The following DOCK2 variants were observed in gnomAD, a reference collection of about 807,000 sequenced individuals.
DOCK2 encodes the protein dedicator of cytokinesis protein 2.
A neutral mutation model predicts 248.9 loss-of-function variants in DOCK2; 87 were observed. That is an observed-to-expected ratio of 0.35 (90% CI 0.29 to 0.42). The LOEUF (loss-of-function observed/expected upper bound fraction) is 0.42. Ranked by LOEUF, DOCK2 falls within the 10% of genes least tolerant of loss-of-function variation. The pLI is 1.00. For missense variants in DOCK2, 1,747 were observed against 2,300.2 expected, an observed-to-expected ratio of 0.76 and a Z score of 4.92; for synonymous variants, 805 against 821.6, an observed-to-expected ratio of 0.98 and a Z score of 0.35.
rs1418642680 is a variant in DOCK2 at position 169,717,635 on chromosome 5, T to C, written c.2132+151T>C. On this transcript the variant is annotated intron_variant, in intron 21 of 51. Coordinates refer to ENST00000520908, the MANE Select transcript of DOCK2 (RefSeq NM_004946.3). ...AAAATCTAACCTATGCTTGGGTTAT[T>C]TGGATATCATTAAAAATGTGGAATA... The C allele has an allele frequency of 4.2e-6, 3 of 712,962 alleles. No homozygotes were observed. The East Asian group carries it at 8.1e-5, about 19-fold the overall frequency. The allele number at this position is 712,962 out of a possible 1,614,324, so 44.2% of individuals were successfully genotyped here. A position where few individuals can be genotyped will look rare whatever the true frequency, so the allele number is the denominator to read the frequency against.
intron 33 of DOCK2, among the ~76,000 whole-genome samples, chr5:170,027,635 GCTCT>G (rs150089579): frequency 2.0e-5 from 3 of 150,060 alleles, no homozygotes; most frequent in Non-Finnish European, 4.5e-5. Context: ...TCTCGCACGT[GCTCT>G]CTCTCTCTCT....
rs1039206142 is a variant in DOCK2, at chr5:170,029,222, C to G, written c.3467+1274C>G. 5.9e-5 allele frequency among the ~76,000 whole-genome samples: 9 copies of G among 152,328 alleles called. No individual in the cohort carries two copies. In the East Asian group the frequency reaches 1.7e-3, roughly 29 times the overall value. On this transcript the variant is annotated intron_variant, in intron 34 of 51. Transcript: ENST00000520908. ...ATGTATAAGGGTTCCAATTTCTCTA[C>G]ATTCTTGTTAACACTTGTTAATATC...
Position 169,670,613 on chromosome 5 carries a change from C to G in DOCK2, c.224+16C>G. On this transcript the variant is annotated intron_variant, in intron 4 of 51. Coordinates refer to ENST00000520908, the MANE Select transcript of DOCK2 (RefSeq NM_004946.3). ...AGAAAAGAAGGTATTTGCCATTCTT[C>G]ACCAGACTTGAGCCTCCAGTGGCTC... 6.2e-7 allele frequency: 1 copy of G among 1,613,684 alleles called. No individual in the cohort carries two copies. Among genetic ancestry groups the G allele is most frequent in the Non-Finnish European group, 8.5e-7 (1 of 1,179,870 alleles).
Position 170,056,749 on chromosome 5 carries a change from A to C in DOCK2, c.4361A>C (p.Asp1454Ala), listed in dbSNP as rs779110995. 2 of 1,613,992 alleles carry C rather than the reference A, an allele frequency of 1.2e-6. No individual in the cohort carries two copies. Among genetic ancestry groups the C allele is most frequent in the Non-Finnish European group, 1.7e-6 (2 of 1,179,944 alleles). Reference sequence around the variant, plus strand: ...CGGCCCGTGCGCAGGGGGACCGTAGACCCAGAGAATGAGTTTGCTGTGAGT... The same window carrying C: ...CGGCCCGTGCGCAGGGGGACCGTAGCCCCAGAGAATGAGTTTGCTGTGAGT... Reference protein sequence around the residue: ...YSRPVRRGTVDPENEFASMWI... With the variant: ...YSRPVRRGTVAPENEFASMWI... The change falls in exon 43 of 52, where the codon GAC becomes GCC. Residue 1454 changes from aspartate to alanine, a missense_variant. Physicochemically the swap from Asp to Ala is moderately radical, Grantham distance 126 (BLOSUM62 -2). Coordinates refer to ENST00000520908, the MANE Select transcript of DOCK2 (RefSeq NM_004946.3).
chr5:169,803,484 T>C (rs1767124971), intron 26 of DOCK2, among the ~76,000 whole-genome samples: 1 of 152,216 alleles, frequency 6.6e-6, no homozygotes, highest in Admixed American at 6.5e-5. Flanking sequence ...TAAGATGGCT[T>C]GTCCACGTAC....
intron 22 of DOCK2, among the ~76,000 whole-genome samples, chr5:169,744,554 G>A (rs559621427): frequency 1.6e-4 from 25 of 151,842 alleles, no homozygotes; most frequent in South Asian, 1.0e-3. Context: ...GCCAGGGCTA[G>A]TCTAGGCAAA....
chr5:169,819,884 T>G (rs1045991026), intron 26 of DOCK2, among the ~76,000 whole-genome samples: 1 of 152,164 alleles, frequency 6.6e-6, no homozygotes, highest in Non-Finnish European at 1.5e-5. Flanking sequence ...AGTAAAGCTG[T>G]GACAGAAGGC....
rs115982159 is a variant in DOCK2 at position 170,001,656 on chromosome 5, G to A, written c.3072+5492G>A. ...AGAATGCATGCAGTGTGCTTGGTTC[G>A]TTAATGAACTCATTCAAAAAATAAT... is the stretch of plus-strand genomic sequence containing the variant. On this transcript the variant is annotated intron_variant, in intron 30 of 51. Coordinates refer to ENST00000520908, the MANE Select transcript of DOCK2 (RefSeq NM_004946.3). 9.5e-3 allele frequency among the ~76,000 whole-genome samples: 1,447 copies of A among 152,232 alleles called. 24 individuals carry two copies. Among genetic ancestry groups the A allele is most frequent in the African/African-American group, 0.033 (1,370 of 41,540 alleles).
chr5:169,827,002 C>A (rs754078937), intron 26 of DOCK2, among the ~76,000 whole-genome samples: 1 of 145,564 alleles, frequency 6.9e-6, no homozygotes, highest in Non-Finnish European at 1.5e-5. Context: ...GAATCCAGGA[C>A]AGAGCGTGGC....
At chr5:170,035,804 C>A (rs1196250996) in intron 35 of DOCK2, among the ~76,000 whole-genome samples, 1 of 152,196 alleles carries the variant, frequency 6.6e-6, no homozygotes, top group Non-Finnish European at 1.5e-5. Context: ...CTCTGACCCT[C>A]AGGTGCACGT....
chr5:169,895,955 C>T (rs1461454651), intron 27 of DOCK2, among the ~76,000 whole-genome samples: 1 of 152,202 alleles, frequency 6.6e-6, no homozygotes, highest in Admixed American at 6.5e-5. Context: ...ATTACCACTA[C>T]CCTTGTCTTG....
At chr5:169,699,151 G>A (rs1181951192) in intron 11 of DOCK2, among the ~76,000 whole-genome samples, 1 of 152,152 alleles carries the variant, frequency 6.6e-6, no homozygotes, top group African/African-American at 2.4e-5. Flanking sequence ...CATCTTCCTG[G>A]AGAATAAGAA....
At position 169,884,983 on chromosome 5, in the gene DOCK2, G is replaced by A. The variant is rs186124287; in HGVS notation, c.2799+44131G>A. On this transcript the variant is annotated intron_variant, in intron 27 of 51. Transcript: ENST00000520908. ...TCTTTGTGAACCAGGTGCTTTGTGG[G>A]TGCAAGGCCTTGGAACAAAATGCCT... Among the ~76,000 whole-genome samples, 10 of 152,196 alleles carry A rather than the reference G, an allele frequency of 6.6e-5. No individual in the cohort carries two copies. In the East Asian group the frequency reaches 1.5e-3, roughly 24 times the overall value.
At chr5:169,693,715 T>A (rs1760439673) in intron 9 of DOCK2, among the ~76,000 whole-genome samples, 1 of 152,108 alleles carries the variant, frequency 6.6e-6, no homozygotes, top group African/African-American at 2.4e-5. Flanking sequence ...GCTGGTGGGA[T>A]GAACAGCCCT....
chr5:169,785,468 G>T (rs896162363), intron 25 of DOCK2, among the ~76,000 whole-genome samples: 3 of 152,078 alleles, frequency 2.0e-5, no homozygotes, highest in Non-Finnish European at 1.5e-5. Flanking sequence ...AGAACAAATG[G>T]AATAGGAATA....
intron 6 of DOCK2, 93 bp from the exon 7 acceptor site, chr5:169,681,646 ACCCCC>A: frequency 3.5e-6 from 5 of 1,431,842 alleles, no homozygotes; most frequent in South Asian, 1.4e-5. Context: ...TGACTATATG[ACCCCC>A]AGAAATCAGC....
chr5:169,849,907 C>T (rs943742013), intron 27 of DOCK2, among the ~76,000 whole-genome samples: 1 of 152,310 alleles, frequency 6.6e-6, no homozygotes, highest in Admixed American at 6.5e-5. Flanking sequence ...CCTTGGCCTG[C>T]AGGACAGTGT....
Position 169,883,250 on chromosome 5 carries a change from T to C in DOCK2, c.2799+42398T>C, listed in dbSNP as rs1288702399. 6 of 1,551,532 alleles carry C rather than the reference T, an allele frequency of 3.9e-6. No individual in the cohort carries two copies. The East Asian group carries it at 9.8e-5, about 25-fold the overall frequency. On this transcript the variant is annotated intron_variant, in intron 27 of 51. Transcript: ENST00000520908. Reference sequence around the variant, plus strand: ...CTGTCTGGGCTGAGAGCAGACTCTCTAGCTTCCCAGGAAGGACTGTGATAA... The same window carrying C: ...CTGTCTGGGCTGAGAGCAGACTCTCCAGCTTCCCAGGAAGGACTGTGATAA...
At chr5:169,844,189 C>G (rs943565514) in intron 27 of DOCK2, among the ~76,000 whole-genome samples, 1 of 152,056 alleles carries the variant, frequency 6.6e-6, no homozygotes, top group Non-Finnish European at 1.5e-5. Flanking sequence ...AAAAGCATTC[C>G]CTGAAACTAG....
Sources: gnomAD v4.1 joint callset for allele counts (sites outside exome capture counted in the v4.1 genomes callset) on GRCh38, gnomAD v4.1.1 for gene constraint, MANE v1.5 for transcripts, NCBI Gene and HGNC (gene_info 2026-07-23, HGNC 2026-07-21) for gene names.